Variants in SCAMP1 observed in about 807,000 individuals in gnomAD.
SCAMP1 encodes secretory carrier membrane protein 1, also known as secretory carrier-associated membrane protein 1.
A neutral mutation model predicts 41.8 loss-of-function variants in SCAMP1; 15 were observed. The ratio of observed to expected loss-of-function variants is 0.36; its 90% CI spans 0.24 to 0.55. The LOEUF (loss-of-function observed/expected upper bound fraction) is 0.55. Ranked by LOEUF, SCAMP1 falls within the 20% of genes least tolerant of loss-of-function variation. The probability of loss-of-function intolerance (pLI) is 0.86; values close to 1 mark genes in which losing one functional copy is unlikely to be tolerated. For synonymous variants in SCAMP1, 135 were observed against 136.8 expected (o/e 0.99, Z 0.09); for missense variants, 341 against 412.6 (o/e 0.83, Z 1.50).
At chr5:78,392,042 T>G (rs796262357) in intron 2 of SCAMP1, among the ~76,000 whole-genome samples, 3 of 1,614 alleles carry the variant, frequency 1.9e-3, no homozygotes, top group African/African-American at 0.01. Flanking sequence ...AGGGAGACCG[T>G]GGAAAGAGAG....
chr5:78,458,639 T>G (rs931632254), intron 7 of SCAMP1, among the ~76,000 whole-genome samples: 3 of 152,142 alleles, frequency 2.0e-5, no homozygotes, highest in Non-Finnish European at 4.4e-5. Flanking sequence ...AATCCCAGTT[T>G]GGGAGGCCGA....
At chr5:78,421,985 C>T (rs1301996470) in intron 6 of SCAMP1, 25 bp downstream of exon 6, 1 of 1,580,840 alleles carries the variant, frequency 6.3e-7, no homozygotes, top group Admixed American at 1.7e-5. Context: ...CTTTAAAATA[C>T]ACTCTTTAAA....
At chr5:78,471,642 C>T (rs564948085) in intron 8 of SCAMP1, among the ~76,000 whole-genome samples, 21 of 152,156 alleles carry the variant, frequency 1.4e-4, no homozygotes, top group Non-Finnish European at 2.4e-4. Context: ...ACTTCCCACA[C>T]GATACAGTTT....
At chr5:78,378,141 G>A (rs751933347) in intron 1 of SCAMP1, among the ~76,000 whole-genome samples, 1 of 152,130 alleles carries the variant, frequency 6.6e-6, no homozygotes, top group Non-Finnish European at 1.5e-5. Flanking sequence ...TACAGAACAA[G>A]TACCCAGGAC....
intron 1 of SCAMP1, among the ~76,000 whole-genome samples, chr5:78,378,898 C>T (rs1751131779): frequency 6.6e-6 from 1 of 152,156 alleles, no homozygotes; most frequent in Non-Finnish European, 1.5e-5. Context: ...CATCCCAGAC[C>T]TACTGAATCA....
intron 6 of SCAMP1, among the ~76,000 whole-genome samples, chr5:78,427,123 A>G (rs1179626939): frequency 3.9e-5 from 6 of 152,206 alleles, no homozygotes; most frequent in Non-Finnish European, 5.9e-5. Flanking sequence ...TGCAGAGTGT[A>G]CAAGAACAAT....
chr5:78,459,190 T>A (rs1425566244), intron 7 of SCAMP1, 55 bp from the exon 8 acceptor site: 4 of 822,034 alleles, frequency 4.9e-6, no homozygotes, highest in Non-Finnish European at 8.3e-6. Flanking sequence ...TATTATGCTA[T>A]TTTTAAAAAG....
At chr5:78,456,545 G>A (rs1239276773) in intron 7 of SCAMP1, among the ~76,000 whole-genome samples, 27 of 151,362 alleles carry the variant, frequency 1.8e-4, no homozygotes, top group South Asian at 4.2e-4. Context: ...GGTTTCTGCC[G>A]ACAGATCTGC....
chr5:78,438,909 G>C (rs919703800), intron 6 of SCAMP1, among the ~76,000 whole-genome samples: 2 of 152,178 alleles, frequency 1.3e-5, no homozygotes, highest in Non-Finnish European at 2.9e-5. Flanking sequence ...TGGATTGAGT[G>C]CATATATATT....
rs116247699 is a variant in SCAMP1 at position 78,412,871 on chromosome 5, T to G, written c.136-2649T>G. ...TTACTTTTTGTAAATTTCAGTGTAATTAAATTCGTCAATTTTGTGTGGTGT... is the reference window on the plus strand; with the variant it reads ...TTACTTTTTGTAAATTTCAGTGTAAGTAAATTCGTCAATTTTGTGTGGTGT... On this transcript the variant is annotated intron_variant, in intron 2 of 8. Coordinates refer to ENST00000621999, the MANE Select transcript of SCAMP1 (RefSeq NM_004866.6). Among the ~76,000 whole-genome samples, 1,322 of 152,324 alleles carry G rather than the reference T, an allele frequency of 8.7e-3. 12 individuals carry two copies. Among genetic ancestry groups the G allele is most frequent in the African/African-American group, 0.025 (1,029 of 41,580 alleles).
intron 8 of SCAMP1, among the ~76,000 whole-genome samples, chr5:78,459,805 G>A (rs1007420938): frequency 6.6e-6 from 1 of 152,022 alleles, no homozygotes; most frequent in Non-Finnish European, 1.5e-5. Flanking sequence ...ACATGTGCAG[G>A]TTTGTTACAT....
chr5:78,436,495 T>G lies in SCAMP1; in HGVS notation c.633-13438T>G, dbSNP rs919221984. On this transcript the variant is annotated intron_variant, in intron 6 of 8. Transcript: ENST00000621999. ...TTAAATAGGGAATCCTTTCCCCATT[T>G]CTTGTTTTTGTCAGGTTTGTCAAAG... is the stretch of plus-strand genomic sequence containing the variant. Among the ~76,000 whole-genome samples, 18 of 152,326 alleles carry G rather than the reference T, an allele frequency of 1.2e-4. No homozygotes were observed. The East Asian group carries it at 2.9e-3, about 24-fold the overall frequency.
At chr5:78,395,312 C>A (rs1393769527) in intron 2 of SCAMP1, among the ~76,000 whole-genome samples, 1 of 152,126 alleles carries the variant, frequency 6.6e-6, no homozygotes, top group African/African-American at 2.4e-5. Flanking sequence ...AACTCATGAA[C>A]CCCCGACCCT....
intron 2 of SCAMP1, among the ~76,000 whole-genome samples, chr5:78,407,851 T>G (rs1269252101): frequency 1.3e-5 from 2 of 152,232 alleles, no homozygotes; most frequent in Non-Finnish European, 2.9e-5. Flanking sequence ...AGAATTTCAT[T>G]TAAGAAGCTG....
At chr5:78,398,490 A>C (rs1441517655) in intron 2 of SCAMP1, among the ~76,000 whole-genome samples, 1 of 147,536 alleles carries the variant, frequency 6.8e-6, no homozygotes, top group Non-Finnish European at 1.5e-5. Context: ...TTGGCCTCCC[A>C]AAATGCTAGG....
chr5:78,427,013 C>A (rs1052454553), intron 6 of SCAMP1, among the ~76,000 whole-genome samples: 1 of 152,062 alleles, frequency 6.6e-6, no homozygotes, highest in Non-Finnish European at 1.5e-5. Context: ...TTGGATAATA[C>A]CATGAATATG....
chr5:78,406,699 G>A (rs1450566030), intron 2 of SCAMP1, among the ~76,000 whole-genome samples: 1 of 152,172 alleles, frequency 6.6e-6, no homozygotes, highest in Non-Finnish European at 1.5e-5. Context: ...TAGCCAAACT[G>A]AAGAGGCAAA....
rs1285802202 is a variant in SCAMP1 at position 78,478,486 on chromosome 5, A to C, written c.*2818A>C. ...TTTTTCTGTTGCATTAGACCTTTAC[A>C]GGTAATGGAACATGAGCTTCACCCA... On this transcript the variant is annotated 3_prime_UTR_variant, in exon 9 of 9. Transcript: ENST00000621999. 1 of 152,434 alleles carries C rather than the reference A, an allele frequency of 6.6e-6. No homozygotes were observed. Among genetic ancestry groups the C allele is most frequent in the Non-Finnish European group, 1.5e-5 (1 of 67,996 alleles). 9.4% of individuals were successfully genotyped at this position (152,434 alleles called of 1,614,324 possible).
Position 78,395,613 on chromosome 5 carries a change from C to T in SCAMP1, c.135+6699C>T, listed in dbSNP as rs552604943. Among the ~76,000 whole-genome samples, 128 of 152,280 alleles carry T rather than the reference C, an allele frequency of 8.4e-4. 1 individual carries two copies. Among genetic ancestry groups the T allele is most frequent in the South Asian group, 5.4e-3 (26 of 4,822 alleles). ...GGTTTAATTGGGGAAGAATCTGCTTCCAGGCTTATATAGATTGCTGGCAGA... is the reference window on the plus strand; with the variant it reads ...GGTTTAATTGGGGAAGAATCTGCTTTCAGGCTTATATAGATTGCTGGCAGA... On this transcript the variant is annotated intron_variant, in intron 2 of 8. Coordinates refer to ENST00000621999, the MANE Select transcript of SCAMP1 (RefSeq NM_004866.6).
Sources: gnomAD v4.1 joint callset for allele counts (sites outside exome capture counted in the v4.1 genomes callset) on GRCh38, gnomAD v4.1.1 for gene constraint, MANE v1.5 for transcripts, NCBI Gene and HGNC (gene_info 2026-07-23, HGNC 2026-07-21) for gene names.